The following DNAH3 variants were observed in gnomAD, a reference collection of about 807,000 sequenced individuals.
The protein encoded by DNAH3 is dynein axonemal heavy chain 3, also known as axonemal beta dynein heavy chain 3.
In DNAH3, 332 loss-of-function variants were observed where a neutral mutation model predicts 432.5. The ratio of observed to expected loss-of-function variants is 0.77; its 90% CI spans 0.70 to 0.84. The LOEUF (loss-of-function observed/expected upper bound fraction) is 0.84. Ranked by LOEUF, DNAH3 falls within the 40% of genes least tolerant of loss-of-function variation. DNAH3 has a pLI of 0.00. For missense variants in DNAH3, 4,861 were observed against 5,114.0 expected, an observed-to-expected ratio of 0.95 and a Z score of 1.51; for synonymous variants, 1,956 against 1,900.2, an observed-to-expected ratio of 1.03 and a Z score of -0.76.
At chr16:20,981,349 T>A (rs2085888613) in intron 49 of DNAH3, among the ~76,000 whole-genome samples, 1 of 152,188 alleles carries the variant, frequency 6.6e-6, no homozygotes, top group African/African-American at 2.4e-5. Flanking sequence ...CTGGTCTAGA[T>A]AATAAAGTTC....
intron 1 of DNAH3, among the ~76,000 whole-genome samples, chr16:21,147,888 G>T (rs2092805307): frequency 6.6e-6 from 1 of 152,214 alleles, no homozygotes; most frequent in Non-Finnish European, 1.5e-5. Context: ...TGGAGAAACT[G>T]CAACTTGTTC....
At chr16:21,100,104 T>G (rs1446073985) in intron 16 of DNAH3, among the ~76,000 whole-genome samples, 1 of 148,128 alleles carries the variant, frequency 6.8e-6, no homozygotes, top group Non-Finnish European at 1.5e-5. Context: ...CTCTCTCTCT[T>G]TATCTCTTTC....
intron 18 of DNAH3, among the ~76,000 whole-genome samples, chr16:21,093,327 T>C (rs1008565020): frequency 6.6e-6 from 1 of 152,144 alleles, no homozygotes; most frequent in African/African-American, 2.4e-5. Context: ...TCATTTACAA[T>C]AGCTCCAAAA....
chr16:21,056,521 C>G (rs1039736569), intron 27 of DNAH3, among the ~76,000 whole-genome samples: 3 of 152,008 alleles, frequency 2.0e-5, no homozygotes, highest in Admixed American at 6.6e-5. Context: ...CTCTCTCCCA[C>G]TAGACTATAA....
At chr16:21,153,317 A>G (rs1470336031) in intron 1 of DNAH3, among the ~76,000 whole-genome samples, 1 of 152,062 alleles carries the variant, frequency 6.6e-6, no homozygotes, top group Non-Finnish European at 1.5e-5. Context: ...CTGTGAATGC[A>G]CCAATCCACA....
chr16:21,121,233 C>T, intron 10 of DNAH3: 1 of 372,004 alleles, frequency 2.7e-6, no homozygotes, highest in Non-Finnish European at 5.2e-6. Context: ...AAAGATGGAG[C>T]TAAAAGGAGT....
intron 7 of DNAH3, among the ~76,000 whole-genome samples, chr16:21,128,386 AAAAACAAAAC>A (rs141397436): frequency 6.7e-6 from 1 of 150,236 alleles, no homozygotes; most frequent in Non-Finnish European, 1.5e-5. Flanking sequence ...TCATCTCTCC[AAAAACAAAAC>A]AAAACAAAAC....
intron 41 of DNAH3, among the ~76,000 whole-genome samples, chr16:21,011,231 G>T (rs1018344009): frequency 6.6e-6 from 1 of 152,172 alleles, no homozygotes; most frequent in African/African-American, 2.4e-5. Flanking sequence ...AGCATAAACA[G>T]ATTGATTTTG....
chr16:21,069,027 C>T (rs1263783628), intron 23 of DNAH3, among the ~76,000 whole-genome samples: 2 of 151,894 alleles, frequency 1.3e-5, no homozygotes, highest in African/African-American at 4.8e-5. Flanking sequence ...TGAGTTCAAG[C>T]GATCCTCCCA....
rs889912306 is a variant in DNAH3 at position 21,035,283 on chromosome 16, C to T, written c.5086-1198G>A. On this transcript the variant is annotated intron_variant, in intron 35 of 61. Coordinates refer to ENST00000261383, the Ensembl canonical transcript of DNAH3. The stretch of plus-strand genomic sequence containing the variant: ...TGGAGGTTGCAGTGAGCTGAGATCA[C>T]GTCACTGCACTCCAGCCTGGGTAAT... Among the ~76,000 whole-genome samples, 4 of 152,196 alleles carry T rather than the reference C, an allele frequency of 2.6e-5. No homozygotes were observed. The East Asian group carries it at 5.8e-4, about 22-fold the overall frequency.
intron 41 of DNAH3, among the ~76,000 whole-genome samples, chr16:21,008,207 C>T (rs996779960): frequency 6.6e-6 from 1 of 152,132 alleles, no homozygotes; most frequent in African/African-American, 2.4e-5. Flanking sequence ...TCCTCTGTCT[C>T]TCTCTCTCTC....
chr16:20,996,586 A>G (rs2152686490), intron 44 of DNAH3, among the ~76,000 whole-genome samples: 1 of 152,226 alleles, frequency 6.6e-6, no homozygotes, highest in African/African-American at 2.4e-5. Context: ...CAGCCTCCCA[A>G]GTAGCTGGAC....
chr16:20,980,170 A>AAT (rs1156852259), intron 49 of DNAH3, among the ~76,000 whole-genome samples: 307 of 133,622 alleles, frequency 2.3e-3, no homozygotes, highest in East Asian at 6.7e-3. Flanking sequence ...TAGAAAAAAA[A>AAT]ATATATATAT....
intron 12 of DNAH3, among the ~76,000 whole-genome samples, chr16:21,116,881 C>T (rs529184245): frequency 7.9e-5 from 12 of 152,268 alleles, no homozygotes; most frequent in Non-Finnish European, 1.5e-4. Context: ...ATATGATATA[C>T]GCATTATGTT....
chr16:21,132,651 T>C (rs2092582736), intron 7 of DNAH3, among the ~76,000 whole-genome samples: 1 of 152,174 alleles, frequency 6.6e-6, no homozygotes, highest in Non-Finnish European at 1.5e-5. Flanking sequence ...AAAGATCATA[T>C]ATTGCATGAT....
At chr16:20,984,384 A>G (rs768863774) in intron 48 of DNAH3, among the ~76,000 whole-genome samples, 2 of 152,130 alleles carry the variant, frequency 1.3e-5, no homozygotes, top group Non-Finnish European at 2.9e-5. Flanking sequence ...ATGGAGATGG[A>G]GATAAGAGAG....
At chr16:21,106,313 G>T (rs951742463) in intron 15 of DNAH3, among the ~76,000 whole-genome samples, 177 bp downstream of exon 15, 3 of 152,048 alleles carry the variant, frequency 2.0e-5, no homozygotes, top group African/African-American at 7.2e-5. Context: ...ACATATGGGG[G>T]CACTTGAAAG....
In DNAH3 at chr16:21,020,395, A is replaced by T. The variant is rs1280394746; in HGVS notation, c.5777-526T>A. Among the ~76,000 whole-genome samples the T allele has an allele frequency of 7.8e-3, 219 of 28,166 alleles. 4 individuals are homozygous for T. The highest frequency in any genetic ancestry group is 0.027 in the African/African-American group (183 of 6,674). The allele number at this position is 28,166 out of a possible 152,430, so 18.5% of individuals were successfully genotyped here. ...AATCACTATATATATATATATATAT[A>T]TATTTTTTTTTTTTTTTTTTTTTTT... On this transcript the variant is annotated intron_variant, in intron 40 of 61. Coordinates refer to ENST00000261383, the Ensembl canonical transcript of DNAH3.
chr16:21,003,250 T>C (rs1320056156), intron 41 of DNAH3, 43 bp from the exon 42 acceptor site: 5 of 1,318,064 alleles, frequency 3.8e-6, no homozygotes, highest in East Asian at 2.3e-5. Flanking sequence ...ACATGAAGGC[T>C]TTACTTGCCT....
Sources: gnomAD v4.1 joint callset for allele counts (sites outside exome capture counted in the v4.1 genomes callset) on GRCh38, gnomAD v4.1.1 for gene constraint, MANE v1.5 for transcripts, NCBI Gene and HGNC (gene_info 2026-07-23, HGNC 2026-07-21) for gene names.